Variants in CPNE1 observed in about 807,000 individuals in gnomAD.
The protein encoded by CPNE1 is copine-1.
In CPNE1, 58 loss-of-function variants were observed where a neutral mutation model predicts 63.2. That is an observed-to-expected ratio of 0.92 (90% CI 0.74 to 1.14). CPNE1 has a LOEUF of 1.14. CPNE1 is among the 50% of genes most tolerant of loss of function. The pLI, the probability that CPNE1 is intolerant of heterozygous loss-of-function variation, is 0.00. For missense variants in CPNE1, 672 were observed against 661.7 expected (o/e 1.02, Z -0.17); for synonymous variants, 237 against 249.0 (o/e 0.95, Z 0.45).
chr20:35,656,031 C>CA (rs1568940572), intron 1 of CPNE1, among the ~76,000 whole-genome samples: 1 of 152,202 alleles, frequency 6.6e-6, no homozygotes, highest in African/African-American at 2.4e-5. Context: ...ACTAAGAAGC[C>CA]AAAAGAACTA....
intron 1 of CPNE1, chr20:35,654,050 G>A: frequency 6.2e-7 from 1 of 1,614,194 alleles, no homozygotes; most frequent in African/African-American, 1.3e-5. Context: ...GCCTCATGTG[G>A]TGATCTTGAC....
At chr20:35,653,332 C>G in intron 1 of CPNE1, 1 of 1,614,052 alleles carries the variant, frequency 6.2e-7, no homozygotes, top group Non-Finnish European at 8.5e-7. Context: ...AAGTCCTGCA[C>G]TGGGCAGTCC....
At chr20:35,649,826 G>A (rs1402579274) in intron 1 of CPNE1, 1 of 151,832 alleles carries the variant, frequency 6.6e-6, no homozygotes, top group South Asian at 2.1e-4. Flanking sequence ...TTCCATTAAT[G>A]TCAGAGTCAC....
chr20:35,656,439 C>A (rs939588113), intron 1 of CPNE1, among the ~76,000 whole-genome samples: 2 of 152,230 alleles, frequency 1.3e-5, no homozygotes, highest in African/African-American at 2.4e-5. Flanking sequence ...GAAAGTGACA[C>A]AAACCGAATT....
chr20:35,628,065 A>G (rs2031875434), intron 13 of CPNE1, among the ~76,000 whole-genome samples: 1 of 151,850 alleles, frequency 6.6e-6, no homozygotes, highest in Non-Finnish European at 1.5e-5. Context: ...GCGGATCACA[A>G]GGTCAGGAGA....
intron 1 of CPNE1, among the ~76,000 whole-genome samples, chr20:35,636,853 G>A (rs905222162): frequency 1.3e-5 from 2 of 151,962 alleles, no homozygotes; most frequent in African/African-American, 4.8e-5. Flanking sequence ...TCAATTGTAG[G>A]TGTATCTTTA....
intron 1 of CPNE1, among the ~76,000 whole-genome samples, chr20:35,642,117 C>T (rs1242310778): frequency 6.6e-6 from 1 of 152,232 alleles, no homozygotes; most frequent in Non-Finnish European, 1.5e-5. Context: ...TATGGCCACC[C>T]TTCCCTTGCC....
intron 1 of CPNE1, among the ~76,000 whole-genome samples, chr20:35,647,759 A>G (rs2033214238): frequency 6.6e-6 from 1 of 151,986 alleles, no homozygotes; most frequent in South Asian, 2.1e-4. Flanking sequence ...CATGGTAAAG[A>G]ATTACCATTT....
At chr20:35,654,154 G>A (rs775045139) in intron 1 of CPNE1, 1 of 1,614,232 alleles carries the variant, frequency 6.2e-7, no homozygotes, top group South Asian at 1.1e-5. Context: ...TTGCTTAAAA[G>A]TGATATGGCC....
At chr20:35,634,338 T>C (rs369449183) in intron 1 of CPNE1, among the ~76,000 whole-genome samples, 1 of 150,222 alleles carries the variant, frequency 6.7e-6, no homozygotes, top group Non-Finnish European at 1.5e-5. Flanking sequence ...CTACTGAGCT[T>C]AGAAAAACTC....
chr20:35,652,541 T>C, intron 1 of CPNE1: 1 of 1,610,942 alleles, frequency 6.2e-7, no homozygotes, highest in South Asian at 1.1e-5. Context: ...AATACAAGTT[T>C]TACTTTTCTT....
Position 35,632,040 on chromosome 20 carries a change from C to G in CPNE1, c.457-15G>C, listed in dbSNP as rs761112835. ...CCCAGGAAGTCCTGCCAATGCGAGACCCCAGTTACAAGACTCAGGAACAAA... is the reference window on the plus strand; with the variant it reads ...CCCAGGAAGTCCTGCCAATGCGAGAGCCCAGTTACAAGACTCAGGAACAAA... On this transcript the variant is annotated splice_polypyrimidine_tract_variant and intron_variant, in intron 5 of 15. Transcript: ENST00000397443. The G allele has an allele frequency of 1.9e-6, 3 of 1,613,300 alleles. No individual in the cohort carries two copies. The African/African-American group carries it at 4.0e-5, about 22-fold the overall frequency.
At chr20:35,647,460 C>T (rs1457107958) in intron 1 of CPNE1, 1 of 152,040 alleles carries the variant, frequency 6.6e-6, no homozygotes, top group Non-Finnish European at 1.5e-5. Context: ...GAAGGAGGTC[C>T]GTGGGGCTAT....
At chr20:35,648,237 A>G (rs2033264947) in intron 1 of CPNE1, among the ~76,000 whole-genome samples, 1 of 152,184 alleles carries the variant, frequency 6.6e-6, no homozygotes, top group Admixed American at 6.5e-5. Flanking sequence ...TCTATACTAA[A>G]AAGATAAGAC....
chr20:35,655,643 C>T (rs1601482270), intron 1 of CPNE1, among the ~76,000 whole-genome samples: 1 of 152,160 alleles, frequency 6.6e-6, no homozygotes. Flanking sequence ...ATTCAGACCA[C>T]TAATCATTCA....
intron 13 of CPNE1, among the ~76,000 whole-genome samples, chr20:35,629,711 G>T (rs183605577): frequency 6.6e-6 from 1 of 150,530 alleles, no homozygotes; most frequent in Non-Finnish European, 1.5e-5. Flanking sequence ...GGAGTATAGT[G>T]GCATGATCAT....
At chr20:35,660,692 A>G (rs114806375) in intron 1 of CPNE1, among the ~76,000 whole-genome samples, 8 of 152,372 alleles carry the variant, frequency 5.3e-5, no homozygotes, top group Admixed American at 1.3e-4. Context: ...CAGCAGCCAC[A>G]TAACAGGGTA....
At chr20:35,644,017 CTTACTA>C (rs1342356297) in intron 1 of CPNE1, among the ~76,000 whole-genome samples, 4 of 152,104 alleles carry the variant, frequency 2.6e-5, no homozygotes, top group African/African-American at 9.7e-5. Flanking sequence ...TTGTTTTCCC[CTTACTA>C]TTAATTATTT....
intron 1 of CPNE1, chr20:35,659,138 CAA>C (rs370328377): frequency 0.048 from 12,805 of 265,374 alleles, no homozygotes; most frequent in Middle Eastern, 0.077. Context: ...GAATGCATAT[CAA>C]AAAAAAAAAA....
Sources: allele counts gnomAD v4.1 joint callset (sites outside exome capture counted in the v4.1 genomes callset), GRCh38; gene constraint gnomAD v4.1.1; transcripts MANE v1.5; gene names NCBI Gene and HGNC (gene_info 2026-07-23, HGNC 2026-07-21).